Variants in MGMT observed in about 807,000 individuals in gnomAD.
MGMT encodes O-6-methylguanine-DNA methyltransferase, also known as methylated-DNA--protein-cysteine methyltransferase.
Under a neutral mutation model 15.9 loss-of-function variants are expected in MGMT, and 14 were observed. That is an observed-to-expected ratio of 0.88 (90% CI 0.58 to 1.37). The LOEUF (loss-of-function observed/expected upper bound fraction) is 1.37. Ranked by LOEUF, MGMT falls within the 40% of genes most tolerant of loss-of-function variation. The pLI is 0.00. For missense variants in MGMT, 282 were observed against 268.1 expected, an observed-to-expected ratio of 1.05 and a Z score of -0.36; for synonymous variants, 130 against 118.2, an observed-to-expected ratio of 1.10 and a Z score of -0.65.
chr10:129,489,407 T>C (rs1845445460), intron 1 of MGMT, among the ~76,000 whole-genome samples: 1 of 148,962 alleles, frequency 6.7e-6, no homozygotes, highest in Non-Finnish European at 1.5e-5. Flanking sequence ...AATCCTCATA[T>C]CTTGATTTTC....
At chr10:129,554,885 T>G (rs1846195738) in intron 2 of MGMT, among the ~76,000 whole-genome samples, 1 of 152,102 alleles carries the variant, frequency 6.6e-6, no homozygotes. Context: ...CGGAGCGAGA[T>G]TCCTAACTCC....
chr10:129,660,084 TTTTCAGAGCTAAG>T (rs1196780068), intron 2 of MGMT, among the ~76,000 whole-genome samples: 3 of 152,216 alleles, frequency 2.0e-5, no homozygotes, highest in African/African-American at 7.2e-5. Flanking sequence ...GCCATTTGTC[TTTTCAGAGCTAAG>T]TTTATAACTT....
intron 3 of MGMT, among the ~76,000 whole-genome samples, chr10:129,726,306 C>T (rs536197573): frequency 1.4e-4 from 22 of 152,278 alleles, no homozygotes; most frequent in African/African-American, 1.4e-4. Context: ...GGGAAGATCT[C>T]TGCTGGCCAG....
chr10:129,491,099 CTCTCCATTGGT>C (rs930053222), intron 1 of MGMT, among the ~76,000 whole-genome samples: 15 of 152,194 alleles, frequency 9.9e-5, no homozygotes, highest in Admixed American at 6.5e-4. Flanking sequence ...CCCTCCAGTG[CTCTCCATTGGT>C]TCTCCATCAT....
intron 3 of MGMT, among the ~76,000 whole-genome samples, chr10:129,723,224 G>A (rs745904844): frequency 4.6e-5 from 7 of 151,950 alleles, no homozygotes; most frequent in Admixed American, 6.6e-5. Context: ...CCCATTACAC[G>A]AGCAGTATAC....
chr10:129,467,755 T>C (rs901572293), intron 1 of MGMT, among the ~76,000 whole-genome samples: 1 of 152,246 alleles, frequency 6.6e-6, no homozygotes, highest in African/African-American at 2.4e-5. Context: ...TCTAGGGGCC[T>C]TCTGGTTACT....
chr10:129,551,028 G>C (rs1846151195), intron 2 of MGMT, among the ~76,000 whole-genome samples: 1 of 152,186 alleles, frequency 6.6e-6, no homozygotes, highest in South Asian at 2.1e-4. Context: ...AGGGCCCTGG[G>C]TCTACCCTGT....
intron 3 of MGMT, among the ~76,000 whole-genome samples, chr10:129,734,723 G>T (rs1376758845): frequency 6.6e-6 from 1 of 152,108 alleles, no homozygotes; most frequent in African/African-American, 2.4e-5. Flanking sequence ...TTATTATTTT[G>T]AGATACGTCC....
chr10:129,530,812 C>G (rs553715135), intron 1 of MGMT, among the ~76,000 whole-genome samples: 2 of 152,252 alleles, frequency 1.3e-5, no homozygotes, highest in Admixed American at 1.3e-4. Context: ...CCCCAGCTCT[C>G]GTGGCGGGTG....
intron 3 of MGMT, among the ~76,000 whole-genome samples, chr10:129,745,192 A>T (rs1848679794): frequency 6.6e-6 from 1 of 152,120 alleles, no homozygotes; most frequent in Non-Finnish European, 1.5e-5. Context: ...CCTTTGATTA[A>T]AGAGAAGGTA....
intron 3 of MGMT, among the ~76,000 whole-genome samples, chr10:129,742,813 G>A (rs1188112801): frequency 6.6e-6 from 1 of 151,054 alleles, no homozygotes; most frequent in African/African-American, 2.4e-5. Context: ...CATGCTCAGA[G>A]CCAGGTTCTC....
chr10:129,493,970 A>G (rs1263860879), intron 1 of MGMT, among the ~76,000 whole-genome samples: 4 of 152,192 alleles, frequency 2.6e-5, no homozygotes, highest in African/African-American at 9.7e-5. Context: ...GTGCTTAGCC[A>G]TATATTGAAC....
intron 1 of MGMT, among the ~76,000 whole-genome samples, chr10:129,523,706 C>T (rs974873975): frequency 2.5e-4 from 5 of 20,408 alleles, no homozygotes; most frequent in East Asian, 1.5e-3. Flanking sequence ...CTGGGGAGCA[C>T]CATTTGATTT....
At chr10:129,630,385 G>C (rs1406302090) in intron 2 of MGMT, among the ~76,000 whole-genome samples, 2 of 152,226 alleles carry the variant, frequency 1.3e-5, no homozygotes, top group Admixed American at 6.5e-5. Flanking sequence ...GCCGTGAGGA[G>C]CTCTTTGGTG....
intron 2 of MGMT, among the ~76,000 whole-genome samples, chr10:129,683,656 C>T (rs1847877159): frequency 1.3e-5 from 2 of 152,088 alleles, no homozygotes; most frequent in South Asian, 4.1e-4. Context: ...TTGAAATGTT[C>T]ACAGTACATG....
At chr10:129,478,419 A>G (rs1003506143) in intron 1 of MGMT, among the ~76,000 whole-genome samples, 40 of 152,204 alleles carry the variant, frequency 2.6e-4, no homozygotes, top group African/African-American at 8.4e-4. Context: ...GCCTTGCAAG[A>G]CATTTCTTGC....
intron 1 of MGMT, among the ~76,000 whole-genome samples, chr10:129,523,534 A>G (rs1302693119): frequency 2.0e-5 from 3 of 152,178 alleles, no homozygotes; most frequent in Non-Finnish European, 1.5e-5. Flanking sequence ...CGGGTCTCGA[A>G]GCCCATGCTG....
chr10:129,477,314 G>T (rs1358803983), intron 1 of MGMT, among the ~76,000 whole-genome samples: 1 of 152,100 alleles, frequency 6.6e-6, no homozygotes, highest in East Asian at 1.9e-4. Flanking sequence ...TCTCTTGATG[G>T]TGGGATGCTA....
At chr10:129,526,115 G>A (rs565355412) in intron 1 of MGMT, among the ~76,000 whole-genome samples, 4 of 152,356 alleles carry the variant, frequency 2.6e-5, no homozygotes, top group South Asian at 2.1e-4. Flanking sequence ...CGGGGACCAC[G>A]GGTGGGGTCT....
Sources: allele counts gnomAD v4.1 joint callset (sites outside exome capture counted in the v4.1 genomes callset), GRCh38; gene constraint gnomAD v4.1.1; transcripts MANE v1.5; gene names NCBI Gene and HGNC (gene_info 2026-07-23, HGNC 2026-07-21).